Variants in RSRC1 observed in about 807,000 individuals in gnomAD.
RSRC1 encodes serine/Arginine-related protein 53.
A neutral mutation model predicts 49.1 loss-of-function variants in RSRC1; 39 were observed. The observed-to-expected ratio is 0.79, with a 90% confidence interval of 0.61 to 1.04. RSRC1 has a LOEUF of 1.04. Ranked by LOEUF, RSRC1 falls within the 50% of genes least tolerant of loss-of-function variation. RSRC1 has a pLI of 0.00. For missense variants in RSRC1, 388 were observed against 402.4 expected, an observed-to-expected ratio of 0.96 and a Z score of 0.31; for synonymous variants, 143 against 130.8, an observed-to-expected ratio of 1.09 and a Z score of -0.63.
chr3:158,351,917 A>ATAT (rs1560006457), intron 5 of RSRC1, among the ~76,000 whole-genome samples: 2 of 146,346 alleles, frequency 1.4e-5, no homozygotes, highest in African/African-American at 5.0e-5. Flanking sequence ...TATAAATATT[A>ATAT]TATATATATA....
chr3:158,120,149 G>A (rs564913391), intron 1 of RSRC1, among the ~76,000 whole-genome samples: 1 of 152,132 alleles, frequency 6.6e-6, no homozygotes, highest in Non-Finnish European at 1.5e-5. Flanking sequence ...TCATTTTAAA[G>A]CTGGAAAGTG....
intron 3 of RSRC1, among the ~76,000 whole-genome samples, chr3:158,158,178 T>G (rs375014555): frequency 2.6e-5 from 4 of 152,208 alleles, no homozygotes; most frequent in Non-Finnish European, 4.4e-5. Flanking sequence ...TAATACTTGG[T>G]GCATAAATCT....
At chr3:158,469,517 G>T in intron 7 of RSRC1, 9 of 206,858 alleles carry the variant, frequency 4.4e-5, no homozygotes, top group South Asian at 2.7e-4. Context: ...GTATAGCAGA[G>T]ATCAAATAGA....
chr3:158,331,491 CT>C (rs144010902), intron 5 of RSRC1, among the ~76,000 whole-genome samples: 2,408 of 152,092 alleles, frequency 0.016, 84 homozygotes, highest in African/African-American at 0.055. Flanking sequence ...TTGCTGGATA[CT>C]TTTTATATAA....
intron 3 of RSRC1, among the ~76,000 whole-genome samples, chr3:158,137,779 G>A (rs1716492390): frequency 6.6e-6 from 1 of 150,506 alleles, no homozygotes; most frequent in East Asian, 2.0e-4. Flanking sequence ...TCAGCCTCCC[G>A]AGTAGCTGGG....
intron 4 of RSRC1, among the ~76,000 whole-genome samples, chr3:158,210,355 T>G (rs1721602553): frequency 6.6e-6 from 1 of 151,834 alleles, no homozygotes; most frequent in Admixed American, 6.6e-5. Context: ...CAAAATTTAT[T>G]GAAAAAGACG....
chr3:158,425,262 A>G, intron 6 of RSRC1, among the ~76,000 whole-genome samples: 1 of 152,044 alleles, frequency 6.6e-6, no homozygotes, highest in East Asian at 1.9e-4. Context: ...TGTGTCCCAG[A>G]GATTGTGGTA....
intron 7 of RSRC1, among the ~76,000 whole-genome samples, chr3:158,511,575 A>G (rs973672510): frequency 1.3e-5 from 2 of 152,204 alleles, no homozygotes; most frequent in South Asian, 2.1e-4. Context: ...TAGTGCCGCA[A>G]TAAACATACA....
intron 9 of RSRC1, 111 bp from the exon 10 acceptor site, chr3:158,544,072 C>T: frequency 1.4e-6 from 1 of 697,734 alleles, no homozygotes; most frequent in Admixed American, 2.3e-5. Flanking sequence ...TAAACAGTAT[C>T]CAAATCTTGT....
At chr3:158,175,845 G>A (rs533214660) in intron 3 of RSRC1, among the ~76,000 whole-genome samples, 4 of 151,770 alleles carry the variant, frequency 2.6e-5, no homozygotes, top group East Asian at 1.9e-4. Flanking sequence ...TTGTCTTCTC[G>A]CCTTATTTCA....
intron 4 of RSRC1, among the ~76,000 whole-genome samples, chr3:158,227,425 C>T (rs1399678861): frequency 1.3e-5 from 2 of 151,882 alleles, no homozygotes; most frequent in Non-Finnish European, 2.9e-5. Context: ...TTTCTCTTCC[C>T]TCCCTTCATC....
chr3:158,444,906 CTCA>C (rs1439331748), intron 6 of RSRC1, among the ~76,000 whole-genome samples: 6 of 152,110 alleles, frequency 3.9e-5, no homozygotes, highest in African/African-American at 1.4e-4. Flanking sequence ...TGAAAAAATG[CTCA>C]TCATCACTGG....
In RSRC1 at chr3:158,538,088, C is replaced by T. The variant is rs555929898; in HGVS notation, c.759+890C>T. 5.3e-5 allele frequency among the ~76,000 whole-genome samples: 8 copies of T among 151,932 alleles called. No individual in the cohort carries two copies. The South Asian group carries it at 1.7e-3, about 32-fold the overall frequency. On this transcript the variant is annotated intron_variant, in intron 8 of 9. Coordinates refer to ENST00000611884, the MANE Select transcript of RSRC1 (RefSeq NM_001271838.2). ...AAAAGTTCAAAGAGATATCTGCCTCCCACAGATATCTTGGTTAACACCAAA... is the reference window on the plus strand; with the variant it reads ...AAAAGTTCAAAGAGATATCTGCCTCTCACAGATATCTTGGTTAACACCAAA...
intron 4 of RSRC1, among the ~76,000 whole-genome samples, chr3:158,224,688 T>A (rs78738618): frequency 0.021 from 3,263 of 151,886 alleles, 122 homozygotes; most frequent in African/African-American, 0.075. Flanking sequence ...CCCTCCACTT[T>A]ACATTGGATT....
chr3:158,498,573 A>G (rs950049695), intron 7 of RSRC1, among the ~76,000 whole-genome samples: 3 of 152,166 alleles, frequency 2.0e-5, no homozygotes, highest in Non-Finnish European at 2.9e-5. Flanking sequence ...CTTTAGTTTA[A>G]TTAAGTCCCA....
At chr3:158,419,666 G>C (rs893859724) in intron 6 of RSRC1, among the ~76,000 whole-genome samples, 1 of 151,816 alleles carries the variant, frequency 6.6e-6, no homozygotes, top group East Asian at 1.9e-4. Context: ...TACATAGGTA[G>C]AACAGGTAAT....
intron 3 of RSRC1, among the ~76,000 whole-genome samples, chr3:158,125,680 G>T (rs1371499003): frequency 6.6e-6 from 1 of 152,178 alleles, no homozygotes; most frequent in African/African-American, 2.4e-5. Flanking sequence ...CACTTGAGAA[G>T]AATGCATATT....
At chr3:158,110,597 A>G (rs1203076789) in intron 1 of RSRC1, 1 of 152,190 alleles carries the variant, frequency 6.6e-6, no homozygotes, top group East Asian at 1.9e-4. Context: ...CTTCCTCACT[A>G]GCTCTAGGTA....
chr3:158,237,404 AT>A (rs1258637680), intron 4 of RSRC1, among the ~76,000 whole-genome samples: 3 of 152,200 alleles, frequency 2.0e-5, no homozygotes, highest in African/African-American at 2.4e-5. Context: ...TCATTGCTAA[AT>A]GTTTTTCTAC....
Sources: gnomAD v4.1 joint callset for allele counts (sites outside exome capture counted in the v4.1 genomes callset) on GRCh38, gnomAD v4.1.1 for gene constraint, MANE v1.5 for transcripts, NCBI Gene and HGNC (gene_info 2026-07-23, HGNC 2026-07-21) for gene names.